AIDA: variants seen among roughly 807,000 people sequenced by gnomAD.
AIDA encodes axin interactor, dorsalization-associated protein.
A neutral mutation model predicts 42.7 loss-of-function variants in AIDA; 18 were observed. That is an observed-to-expected ratio of 0.42 (90% CI 0.29 to 0.63). AIDA has a LOEUF of 0.63. Ranked by LOEUF, AIDA falls within the 20% of genes least tolerant of loss-of-function variation. The pLI, the probability that AIDA is intolerant of heterozygous loss-of-function variation, is 0.19. For synonymous variants in AIDA, 104 were observed against 122.9 expected (o/e 0.85, Z 1.02); for missense variants, 250 against 354.1 (o/e 0.71, Z 2.36).
At chr1:222,709,355 C>A (rs964942717) in intron 1 of AIDA, among the ~76,000 whole-genome samples, 1 of 152,026 alleles carries the variant, frequency 6.6e-6, no homozygotes, top group Non-Finnish European at 1.5e-5. Context: ...TGCTTGAACC[C>A]GGGAGGCACA....
At chr1:222,674,179 G>A (rs1266578147) in intron 7 of AIDA, among the ~76,000 whole-genome samples, 2 of 152,106 alleles carry the variant, frequency 1.3e-5, no homozygotes, top group African/African-American at 4.8e-5. Flanking sequence ...AAATTCTTGG[G>A]CTAACAGAAA....
Position 222,712,199 on chromosome 1 carries a change from G to A in AIDA, c.110+9C>T. ...CCGGTCTGGCCTGCTCCCGCGGTTA[G>A]TCACTCACATCTGATACTCGTCTAT... On this transcript the variant is annotated intron_variant, in intron 1 of 9. Transcript: ENST00000340020. The A allele has an allele frequency of 6.3e-7, 1 of 1,596,512 alleles. No homozygotes were observed.
chr1:222,694,282 A>G lies in AIDA; in HGVS notation c.181-19T>C. On this transcript the variant is annotated intron_variant, in intron 2 of 9. Transcript: ENST00000340020. Reference sequence around the variant, plus strand: ...TGGTTTTCTGCAGGGGAATAAAAAAAGCTATAAATACCAGAATTATCATAA... The same window carrying G: ...TGGTTTTCTGCAGGGGAATAAAAAAGGCTATAAATACCAGAATTATCATAA... 6.3e-7 allele frequency: 1 copy of G among 1,599,998 alleles called. No homozygotes were observed. Among genetic ancestry groups the G allele is most frequent in the Non-Finnish European group, 8.5e-7 (1 of 1,172,426 alleles).
intron 1 of AIDA, among the ~76,000 whole-genome samples, chr1:222,711,208 A>G (rs1215624038): frequency 2.0e-5 from 3 of 152,278 alleles, no homozygotes; most frequent in East Asian, 3.9e-4. Context: ...TGCAAACAAT[A>G]GCATTTTGGC....
At chr1:222,674,651 TTTTA>T (rs1664513594) in intron 7 of AIDA, among the ~76,000 whole-genome samples, 1 of 152,204 alleles carries the variant, frequency 6.6e-6, no homozygotes, top group African/African-American at 2.4e-5. Context: ...TAACAACCTG[TTTTA>T]TACCAACTAG....
intron 2 of AIDA, among the ~76,000 whole-genome samples, chr1:222,699,016 G>A (rs559050220): frequency 1.3e-5 from 2 of 152,116 alleles, no homozygotes; most frequent in Non-Finnish European, 2.9e-5. Flanking sequence ...CAGTAGAGAC[G>A]GGGTTTCACC....
At chr1:222,685,462 A>G (rs998130943) in intron 6 of AIDA, among the ~76,000 whole-genome samples, 1 of 152,228 alleles carries the variant, frequency 6.6e-6, no homozygotes, top group African/African-American at 2.4e-5. Flanking sequence ...CTACTGTTCA[A>G]GGAGTATTCA....
intron 2 of AIDA, among the ~76,000 whole-genome samples, chr1:222,701,683 T>C (rs926590165): frequency 2.0e-5 from 3 of 152,174 alleles, no homozygotes; most frequent in Non-Finnish European, 4.4e-5. Context: ...ATTGTGTATA[T>C]TAGGAGCTAC....
At chr1:222,696,834 CT>C (rs1306561574) in intron 2 of AIDA, among the ~76,000 whole-genome samples, 2 of 152,126 alleles carry the variant, frequency 1.3e-5, no homozygotes, top group Non-Finnish European at 2.9e-5. Flanking sequence ...TGATTTCATG[CT>C]TTTAACATTT....
At position 222,684,002 on chromosome 1, in the gene AIDA, C is replaced by T. The variant is rs573275759; in HGVS notation, c.460+2928G>A. On this transcript the variant is annotated intron_variant, in intron 6 of 9. Coordinates refer to ENST00000340020, the MANE Select transcript of AIDA (RefSeq NM_022831.4). ...AGAAAAAAACTATTCTTGGTCATTC[C>T]GTATCTACATACCATACATCATACC... is the stretch of plus-strand genomic sequence containing the variant. Among the ~76,000 whole-genome samples the T allele has an allele frequency of 3.9e-4, 59 of 152,040 alleles. 2 individuals are homozygous for T. In the South Asian group the frequency reaches 3.9e-3, roughly 10 times the overall value.
intron 8 of AIDA, among the ~76,000 whole-genome samples, chr1:222,671,988 T>G (rs964755908): frequency 1.3e-5 from 2 of 152,210 alleles, no homozygotes; most frequent in Non-Finnish European, 1.5e-5. Flanking sequence ...GTATCACCTG[T>G]AAATAATATA....
chr1:222,695,225 C>T (rs1655484784), intron 2 of AIDA, among the ~76,000 whole-genome samples: 1 of 152,212 alleles, frequency 6.6e-6, no homozygotes, highest in South Asian at 2.1e-4. Context: ...GGCGTGGTAG[C>T]TCACGCCTGT....
intron 4 of AIDA, among the ~76,000 whole-genome samples, chr1:222,689,507 A>G (rs1373812963): frequency 8.0e-5 from 6 of 74,768 alleles, no homozygotes; most frequent in South Asian, 4.1e-4. Flanking sequence ...ATATATATAT[A>G]TATATATATA....
At chr1:222,679,916 T>C (rs1213507670) in intron 6 of AIDA, among the ~76,000 whole-genome samples, 1 of 152,210 alleles carries the variant, frequency 6.6e-6, no homozygotes, top group Non-Finnish European at 1.5e-5. Flanking sequence ...CACTTCTAAA[T>C]ATGAAAAGCT....
intron 4 of AIDA, among the ~76,000 whole-genome samples, chr1:222,689,586 C>A (rs1397642938): frequency 1.4e-5 from 2 of 140,484 alleles, no homozygotes; most frequent in Non-Finnish European, 3.1e-5. Context: ...TATATACACA[C>A]ACACACACAT....
chr1:222,710,811 A>G (rs1655986963), intron 1 of AIDA, among the ~76,000 whole-genome samples: 1 of 152,170 alleles, frequency 6.6e-6, no homozygotes, highest in South Asian at 2.1e-4. Flanking sequence ...ATTTCGTAAA[A>G]TGAGAATAAT....
Position 222,694,277 on chromosome 1 carries a change from A to C in AIDA, c.181-14T>G, listed in dbSNP as rs754210272. On this transcript the variant is annotated splice_polypyrimidine_tract_variant and intron_variant, in intron 2 of 9. Coordinates refer to ENST00000340020, the MANE Select transcript of AIDA (RefSeq NM_022831.4). ...GCCTATGGTTTTCTGCAGGGGAATA[A>C]AAAAAGCTATAAATACCAGAATTAT... The C allele has an allele frequency of 6.2e-7, 1 of 1,606,990 alleles. No homozygotes were observed. The highest frequency in any genetic ancestry group is 8.5e-7 in the Non-Finnish European group (1 of 1,176,942).
chr1:222,680,014 C>T (rs936602554), intron 6 of AIDA, among the ~76,000 whole-genome samples: 4 of 152,172 alleles, frequency 2.6e-5, no homozygotes, highest in South Asian at 2.1e-4. Context: ...AGGAGCTCCA[C>T]GCAAAAGAGT....
chr1:222,687,069 C>T, intron 5 of AIDA, 33 bp from the exon 6 acceptor site: 4 of 1,602,956 alleles, frequency 2.5e-6, no homozygotes, highest in Non-Finnish European at 3.4e-6. Flanking sequence ...AAACAACAAA[C>T]TGCAAAACTA....
Sources: gnomAD v4.1 joint callset for allele counts (sites outside exome capture counted in the v4.1 genomes callset) on GRCh38, gnomAD v4.1.1 for gene constraint, MANE v1.5 for transcripts, NCBI Gene and HGNC (gene_info 2026-07-23, HGNC 2026-07-21) for gene names.